BMAL2: variants seen among roughly 807,000 people sequenced by gnomAD.
BMAL2 encodes basic helix-loop-helix ARNT-like protein 2.
At chr12:27,369,212 G>T in the BMAL2 span, among the ~76,000 whole-genome samples, 1 of 152,186 alleles carries the variant, frequency 6.6e-6, no homozygotes, top group African/African-American at 2.4e-5. Flanking sequence ...TATCCATCAT[G>T]AATGAAAGGA....
the BMAL2 span, among the ~76,000 whole-genome samples, chr12:27,367,349 A>C: frequency 6.6e-6 from 1 of 152,182 alleles, no homozygotes; most frequent in African/African-American, 2.4e-5. Context: ...TGCAGTTGAT[A>C]ACTTATGAAT....
the BMAL2 span, among the ~76,000 whole-genome samples, chr12:27,407,025 T>C: frequency 6.6e-6 from 1 of 152,306 alleles, no homozygotes; most frequent in South Asian, 2.1e-4. Flanking sequence ...AAGGGATCAA[T>C]TCAACAAGAA....
At chr12:27,405,027 G>C in the BMAL2 span, among the ~76,000 whole-genome samples, 1 of 152,186 alleles carries the variant, frequency 6.6e-6, no homozygotes, top group Non-Finnish European at 1.5e-5. Context: ...AGATCAAACT[G>C]CAAGGCGGCA....
the BMAL2 span, among the ~76,000 whole-genome samples, chr12:27,419,192 A>G: frequency 2.0e-5 from 3 of 152,344 alleles, no homozygotes; most frequent in East Asian, 5.8e-4. Context: ...ATGTTTATGC[A>G]AAGTCCAGAT....
At chr12:27,379,622 C>G in the BMAL2 span, among the ~76,000 whole-genome samples, 1 of 151,990 alleles carries the variant, frequency 6.6e-6, no homozygotes, top group Non-Finnish European at 1.5e-5. Context: ...AGCAAGAGAT[C>G]GCAAGAGAGA....
At chr12:27,365,588 T>G in the BMAL2 span, among the ~76,000 whole-genome samples, 13 of 152,084 alleles carry the variant, frequency 8.5e-5, no homozygotes, top group African/African-American at 2.9e-4. Context: ...TTATTTATTT[T>G]TGTTTCAATT....
chr12:27,408,215 AAG>A, the BMAL2 span, among the ~76,000 whole-genome samples: 418 of 152,306 alleles, frequency 2.7e-3, no homozygotes, highest in African/African-American at 9.5e-3. Context: ...TCAATAGAAA[AAG>A]AGGGAATCCT....
chr12:27,367,997 T>A, the BMAL2 span, among the ~76,000 whole-genome samples: 1 of 151,500 alleles, frequency 6.6e-6, no homozygotes, highest in Non-Finnish European at 1.5e-5. Flanking sequence ...GATGCCCACA[T>A]TGTGCCTGGC....
At chr12:27,346,030 C>T in the BMAL2 span, among the ~76,000 whole-genome samples, 4 of 152,238 alleles carry the variant, frequency 2.6e-5, no homozygotes, top group African/African-American at 4.8e-5. Context: ...TTTTCTGTTC[C>T]ATCAGACGAG....
chr12:27,410,218 C>T, the BMAL2 span, among the ~76,000 whole-genome samples: 2 of 152,110 alleles, frequency 1.3e-5, no homozygotes, highest in South Asian at 4.2e-4. Context: ...CTAGAAATAC[C>T]ATTTGACCCA....
At chr12:27,357,616 T>A in the BMAL2 span, among the ~76,000 whole-genome samples, 7 of 152,294 alleles carry the variant, frequency 4.6e-5, no homozygotes, top group African/African-American at 1.4e-4. Context: ...GACTTCACAC[T>A]ATACTATTAG....
chr12:27,415,494 G>A, the BMAL2 span, among the ~76,000 whole-genome samples: 1 of 152,134 alleles, frequency 6.6e-6, no homozygotes, highest in African/African-American at 2.4e-5. Flanking sequence ...ATTCCAGAAT[G>A]TTAGTAAATC....
the BMAL2 span, among the ~76,000 whole-genome samples, chr12:27,354,145 T>G: frequency 6.6e-6 from 1 of 152,110 alleles, no homozygotes; most frequent in Non-Finnish European, 1.5e-5. Context: ...CTATTCAAAA[T>G]AGCAAATACA....
At chr12:27,370,257 C>T in the BMAL2 span, 8 of 1,531,378 alleles carry the variant, frequency 5.2e-6, no homozygotes, top group South Asian at 9.0e-5. Flanking sequence ...CTTTGACATA[C>T]TCTCTCCCCT....
At chr12:27,365,000 A>G in the BMAL2 span, among the ~76,000 whole-genome samples, 1 of 152,084 alleles carries the variant, frequency 6.6e-6, no homozygotes, top group East Asian at 1.9e-4. Flanking sequence ...AACTTGCTAT[A>G]TCCTCTAACT....
At chr12:27,347,061 G>A in the BMAL2 span, among the ~76,000 whole-genome samples, 2 of 152,138 alleles carry the variant, frequency 1.3e-5, no homozygotes, top group African/African-American at 4.8e-5. Flanking sequence ...AGAAGCAGAT[G>A]TCCCATCTTG....
the BMAL2 span, among the ~76,000 whole-genome samples, chr12:27,339,381 T>C: frequency 6.6e-6 from 1 of 152,324 alleles, no homozygotes; most frequent in South Asian, 2.1e-4. Flanking sequence ...CTAGGTTGAT[T>C]CCATGTCTTT....
At chr12:27,371,419 G>A in the BMAL2 span, among the ~76,000 whole-genome samples, 12 of 152,274 alleles carry the variant, frequency 7.9e-5, no homozygotes, top group East Asian at 2.3e-3. Context: ...GATATTTTAG[G>A]TGGAAAGAAC....
chr12:27,380,556 G>A, the BMAL2 span: 1 of 848,570 alleles, frequency 1.2e-6, no homozygotes, highest in South Asian at 1.9e-5. Context: ...TCTATAGTCT[G>A]TATGTGGAGA....
Sources: allele counts gnomAD v4.1 joint callset (sites outside exome capture counted in the v4.1 genomes callset), GRCh38; gene constraint gnomAD v4.1.1; transcripts MANE v1.5; gene names NCBI Gene and HGNC (gene_info 2026-07-23, HGNC 2026-07-21).